The following VSNL1 variants were observed in gnomAD, a reference collection of about 807,000 sequenced individuals.
VSNL1 encodes visinin-like protein 1.
Under a neutral mutation model 20.4 loss-of-function variants are expected in VSNL1, and 6 were observed. The observed-to-expected ratio is 0.29, with a 90% CI of 0.16 to 0.58. VSNL1 has a LOEUF of 0.58. VSNL1 is among the 20% of genes least tolerant of loss of function. VSNL1 has a pLI of 0.90. For synonymous variants in VSNL1, 93 were observed against 86.4 expected (o/e 1.08, Z -0.42); for missense variants, 100 against 234.5 (o/e 0.43, Z 3.75).
chr2:17,654,979 CA>C (rs1194224004), intron 3 of VSNL1, among the ~76,000 whole-genome samples: 11 of 152,074 alleles, frequency 7.2e-5, no homozygotes, highest in Admixed American at 5.2e-4. Context: ...GTGGGGAAGA[CA>C]AAGCAGTTAT....
At chr2:17,553,263 TG>T (rs1251372247) in intron 1 of VSNL1, among the ~76,000 whole-genome samples, 2 of 152,226 alleles carry the variant, frequency 1.3e-5, no homozygotes, top group African/African-American at 2.4e-5. Flanking sequence ...CTAATGGCTC[TG>T]AATCTTCCCC....
chr2:17,581,488 G>A (rs1214167396), intron 1 of VSNL1, among the ~76,000 whole-genome samples: 1 of 152,110 alleles, frequency 6.6e-6, no homozygotes, highest in African/African-American at 2.4e-5. Flanking sequence ...TTCCTGTGAT[G>A]GACCTTTAGG....
chr2:17,553,043 C>T (rs1183642294), intron 1 of VSNL1, among the ~76,000 whole-genome samples: 2 of 151,436 alleles, frequency 1.3e-5, no homozygotes, highest in African/African-American at 2.4e-5. Flanking sequence ...GTTAAGTCTC[C>T]TATAAAAAGA....
chr2:17,571,133 A>G (rs1467146605), intron 1 of VSNL1, among the ~76,000 whole-genome samples: 3 of 152,230 alleles, frequency 2.0e-5, no homozygotes, highest in African/African-American at 7.2e-5. Flanking sequence ...TAGGAGGGAA[A>G]GAAATAGACT....
intron 2 of VSNL1, among the ~76,000 whole-genome samples, chr2:17,607,211 G>A (rs1004635974): frequency 6.6e-6 from 1 of 152,166 alleles, no homozygotes; most frequent in African/African-American, 2.4e-5. Context: ...AACTTGGTGA[G>A]GACTGTTGCT....
intron 1 of VSNL1, among the ~76,000 whole-genome samples, chr2:17,570,843 G>A (rs775291020): frequency 2.0e-5 from 3 of 152,080 alleles, no homozygotes; most frequent in Admixed American, 6.6e-5. Flanking sequence ...TCAGGAGTTC[G>A]AGGCCAACCT....
chr2:17,582,527 A>T (rs1664372345), intron 1 of VSNL1, among the ~76,000 whole-genome samples: 1 of 152,200 alleles, frequency 6.6e-6, no homozygotes. Flanking sequence ...AGAGAAAAGT[A>T]GATGGAATCA....
chr2:17,548,099 A>T, intron 1 of VSNL1, among the ~76,000 whole-genome samples: 1 of 152,040 alleles, frequency 6.6e-6, no homozygotes, highest in Admixed American at 6.6e-5. Flanking sequence ...GTCTCCTATG[A>T]GCTACTCTTT....
chr2:17,607,872 A>G (rs1664985141), intron 2 of VSNL1, among the ~76,000 whole-genome samples: 1 of 152,258 alleles, frequency 6.6e-6, no homozygotes, highest in Non-Finnish European at 1.5e-5. Flanking sequence ...GAGATTCTCA[A>G]TGAACCTTTT....
In VSNL1 at chr2:17,649,254, C is replaced by T. The variant is rs1432361230; in HGVS notation, c.163-156C>T. Among the ~76,000 whole-genome samples the T allele has an allele frequency of 6.6e-6, 1 of 152,222 alleles. No individual in the cohort carries two copies. The highest frequency in any genetic ancestry group is 1.5e-5 in the Non-Finnish European group (1 of 68,038). On this transcript the variant is annotated intron_variant, in intron 2 of 3. Coordinates refer to ENST00000295156, the MANE Select transcript of VSNL1 (RefSeq NM_003385.5). The surrounding 1 kb of genome is among the most constrained non-coding windows in gnomAD (Gnocchi z 6.4). Reference sequence around the variant, plus strand: ...TGCTGTGAGAAAGCCTCCCCTAATGCCTGCCCTTGCCCTTGACAGTCAGGC... The same window carrying T: ...TGCTGTGAGAAAGCCTCCCCTAATGTCTGCCCTTGCCCTTGACAGTCAGGC...
intron 2 of VSNL1, among the ~76,000 whole-genome samples, chr2:17,600,868 C>A (rs1664805953): frequency 1.3e-5 from 2 of 152,132 alleles, no homozygotes; most frequent in Non-Finnish European, 2.9e-5. Flanking sequence ...CAATAATAAT[C>A]TAGAGTTCTG....
rs549388852 is a variant in VSNL1 at position 17,573,613 on chromosome 2, C to G, written c.-5-18457C>G. ...AATTTCAGACTGTGGATTTCAAACT[C>G]ATGACGCTTTGCTGAATTACTGAGA... On this transcript the variant is annotated intron_variant, in intron 1 of 3. Transcript: ENST00000295156. Among the ~76,000 whole-genome samples the G allele has an allele frequency of 1.6e-3, 244 of 152,298 alleles. 2 individuals carry two copies. The highest frequency in any genetic ancestry group is 3.4e-3 in the Middle Eastern group (1 of 294).
chr2:17,637,478 C>T (rs887903504), intron 2 of VSNL1, among the ~76,000 whole-genome samples: 6 of 152,148 alleles, frequency 3.9e-5, no homozygotes, highest in African/African-American at 1.4e-4. Context: ...ACCTCCTGTA[C>T]GCTGCCCCCA....
At chr2:17,645,676 G>T (rs1665976439) in intron 2 of VSNL1, among the ~76,000 whole-genome samples, 1 of 152,196 alleles carries the variant, frequency 6.6e-6, no homozygotes, top group Non-Finnish European at 1.5e-5. Context: ...AAGAAATGCA[G>T]AGTGGGGCCC....
chr2:17,592,640 C>T (rs1457865450), intron 2 of VSNL1, among the ~76,000 whole-genome samples: 41 of 70,846 alleles, frequency 5.8e-4, no homozygotes, highest in South Asian at 8.4e-4. Context: ...CTCTCTCTCT[C>T]TTTTTTTTTT....
chr2:17,554,166 A>C lies in VSNL1; in HGVS notation c.-6+13248A>C, dbSNP rs191634567. Among the ~76,000 whole-genome samples the C allele has an allele frequency of 2.8e-3, 429 of 152,270 alleles. 5 individuals carry two copies. The South Asian group carries it at 0.039, about 14-fold the overall frequency. ...GTGAGCAGCTTCTATGTTATCTGAG[A>C]ATCACCTCCTCAAATGCCAACTGGA... is the stretch of plus-strand genomic sequence containing the variant. On this transcript the variant is annotated intron_variant, in intron 1 of 3. Transcript: ENST00000295156.
Position 17,553,314 on chromosome 2 carries a change from G to C in VSNL1, c.-6+12396G>C, listed in dbSNP as rs574113344. ...AGTTCTGCTGTTTCCCATATGAAAA[G>C]GCAGAAAATCTGTAACTTTGAAATT... On this transcript the variant is annotated intron_variant, in intron 1 of 3. Transcript: ENST00000295156. Among the ~76,000 whole-genome samples the C allele has an allele frequency of 6.6e-5, 10 of 152,076 alleles. No individual in the cohort carries two copies. The South Asian group carries it at 2.1e-3, about 32-fold the overall frequency.
At chr2:17,570,030 A>G (rs1479714412) in intron 1 of VSNL1, among the ~76,000 whole-genome samples, 3 of 152,242 alleles carry the variant, frequency 2.0e-5, no homozygotes, top group South Asian at 2.1e-4. Flanking sequence ...CGCTCAGTCT[A>G]TATACCTGGC....
At chr2:17,564,881 A>G (rs931514424) in intron 1 of VSNL1, among the ~76,000 whole-genome samples, 5 of 152,200 alleles carry the variant, frequency 3.3e-5, no homozygotes, top group African/African-American at 1.2e-4. Context: ...TCGTAAGATT[A>G]CGGAAATTAA....
Sources: gnomAD v4.1 joint callset for allele counts (sites outside exome capture counted in the v4.1 genomes callset) on GRCh38, gnomAD v4.1.1 for gene constraint, Gnocchi (gnomAD v3.1) non-coding constraint, MANE v1.5 for transcripts, NCBI Gene and HGNC (gene_info 2026-07-23, HGNC 2026-07-21) for gene names.